The following MSL2 variants were observed in gnomAD, a reference collection of about 807,000 sequenced individuals.
MSL2 encodes E3 ubiquitin-protein ligase MSL2.
Under a neutral mutation model 35.8 loss-of-function variants are expected in MSL2, and 2 were observed. The ratio of observed to expected loss-of-function variants is 0.06; its 90% CI spans 0.02 to 0.18. The LOEUF (loss-of-function observed/expected upper bound fraction) is 0.18, where lower values mean the gene tolerates loss of function less well. Ranked by LOEUF, MSL2 falls within the 10% of genes least tolerant of loss-of-function variation. The probability of loss-of-function intolerance (pLI) is 1.00; values close to 1 mark genes in which losing one functional copy is unlikely to be tolerated. For missense variants in MSL2, 523 were observed against 706.7 expected (o/e 0.74, Z 2.95); for synonymous variants, 296 against 255.7 (o/e 1.16, Z -1.50).
At chr3:136,171,776 G>A (rs970024450) in intron 1 of MSL2, among the ~76,000 whole-genome samples, 1 of 152,146 alleles carries the variant, frequency 6.6e-6, no homozygotes, top group African/African-American at 2.4e-5. Context: ...GTATGGCCAG[G>A]TCTATAAAGG....
intron 1 of MSL2, among the ~76,000 whole-genome samples, chr3:136,167,878 A>G (rs1939896077): frequency 6.6e-6 from 1 of 152,204 alleles, no homozygotes; most frequent in Non-Finnish European, 1.5e-5. Context: ...AAATAACAGT[A>G]CAGAATCAAA....
intron 1 of MSL2, among the ~76,000 whole-genome samples, chr3:136,176,482 T>C (rs1940181575): frequency 7.8e-6 from 1 of 128,440 alleles, no homozygotes; most frequent in African/African-American, 3.1e-5. Context: ...GTCACTGCAC[T>C]CCAGCCTGGG....
At chr3:136,180,745 G>A (rs1940316754) in intron 1 of MSL2, among the ~76,000 whole-genome samples, 1 of 92,936 alleles carries the variant, frequency 1.1e-5, no homozygotes, top group Admixed American at 1.1e-4. Context: ...GAGGAGGAGA[G>A]GAGGGAAGGA....
rs752273103 is a variant in MSL2 at position 136,151,271 on chromosome 3, C to T, written c.1610G>A (p.Arg537His). 11 of 1,614,104 alleles carry T rather than the reference C, an allele frequency of 6.8e-6. No individual in the cohort carries two copies. The highest frequency in any genetic ancestry group is 2.2e-5 in the South Asian group (2 of 91,092). Residue 537 changes from arginine to histidine, a missense_variant, in exon 2 of 2, where the codon CGT (arginine) becomes CAT (histidine). By Grantham distance (29) the Arg-to-His change is conservative (BLOSUM62 0). Coordinates refer to ENST00000309993, the MANE Select transcript of MSL2 (RefSeq NM_018133.4). The surrounding 1 kb of genome is among the most constrained non-coding windows in gnomAD (Gnocchi z 5.2). ...LGINVTSIAV[R>H]NASTSTSVIN... ...TACACTGGTGCTGGTACTAGCGTTACGCACAGCAATGCTAGTCACGTTAAT... is the reference window on the plus strand; with the variant it reads ...TACACTGGTGCTGGTACTAGCGTTATGCACAGCAATGCTAGTCACGTTAAT...
rs397764663 is a variant in MSL2 at position 136,164,881 on chromosome 3, CTTT to C, written c.143-12146_143-12144del. Reference sequence around the variant, plus strand: ...CTCACTCAAAATACACACCTTCAGACTTTTTTTTTTTGAGTCGAAGTCTCGCTC... The same window carrying C: ...CTCACTCAAAATACACACCTTCAGACTTTTTTTTGAGTCGAAGTCTCGCTC... On this transcript the variant is annotated intron_variant, in intron 1 of 1. Transcript: ENST00000309993. 1.0e-4 allele frequency among the ~76,000 whole-genome samples: 15 copies of C among 147,538 alleles called. No homozygotes were observed. The South Asian group carries it at 3.0e-3, about 30-fold the overall frequency.
intron 1 of MSL2, among the ~76,000 whole-genome samples, chr3:136,171,217 C>G (rs1197733382): frequency 2.6e-5 from 4 of 152,080 alleles, no homozygotes. Flanking sequence ...AAGTCAGATT[C>G]CTAGGCATGC....
intron 1 of MSL2, among the ~76,000 whole-genome samples, chr3:136,177,337 C>A (rs750348525): frequency 2.6e-5 from 4 of 151,974 alleles, no homozygotes; most frequent in Admixed American, 6.6e-5. Context: ...TAATTAAAAA[C>A]AAGAAAGAAT....
chr3:136,185,414 T>C (rs771566837), intron 1 of MSL2, among the ~76,000 whole-genome samples: 10 of 151,696 alleles, frequency 6.6e-5, no homozygotes, highest in Non-Finnish European at 1.3e-4. Context: ...TCATAGAAGA[T>C]AACTTCATCT....
intron 1 of MSL2, among the ~76,000 whole-genome samples, chr3:136,163,884 CTT>C (rs755095515): frequency 9.5e-4 from 144 of 152,316 alleles, no homozygotes; most frequent in African/African-American, 3.4e-3. Context: ...TGCTTCCCCT[CTT>C]TGTCTTCCAC....
chr3:136,194,450 A>C (rs1940777811), intron 1 of MSL2: 1 of 985,422 alleles, frequency 1.0e-6, no homozygotes, highest in African/African-American at 1.7e-5. Context: ...GTTAACCGTC[A>C]AACCGTCAAA....
intron 1 of MSL2, among the ~76,000 whole-genome samples, chr3:136,190,927 G>A (rs939440655): frequency 2.6e-5 from 4 of 152,154 alleles, no homozygotes; most frequent in African/African-American, 9.7e-5. Context: ...TTCACTAGAA[G>A]CTTCAGAAGG....
intron 1 of MSL2, among the ~76,000 whole-genome samples, chr3:136,159,354 CTTTTT>C (rs71157361): frequency 5.7e-5 from 4 of 70,050 alleles, no homozygotes; most frequent in African/African-American, 1.7e-4. Context: ...AGAGTACTTT[CTTTTT>C]TTTTTTTTTT....
At chr3:136,188,907 G>A (rs894861560) in intron 1 of MSL2, among the ~76,000 whole-genome samples, 4 of 151,328 alleles carry the variant, frequency 2.6e-5, no homozygotes, top group Admixed American at 6.6e-5. Context: ...ATAAGATGAA[G>A]GGCTGCAAAT....
chr3:136,195,123 T>G lies in MSL2; in HGVS notation c.-10A>C. On this transcript the variant is annotated 5_prime_UTR_variant, in exon 1 of 2. Coordinates refer to ENST00000309993, the MANE Select transcript of MSL2 (RefSeq NM_018133.4). Reference sequence around the variant, plus strand: ...CATTCACGGGGTTCATTGCAGACACTTCGACACCAATGGCTCCCGGTTGAA... The same window carrying G: ...CATTCACGGGGTTCATTGCAGACACGTCGACACCAATGGCTCCCGGTTGAA... 1 of 1,586,754 alleles carries G rather than the reference T, an allele frequency of 6.3e-7. No individual in the cohort carries two copies. Among genetic ancestry groups the G allele is most frequent in the Non-Finnish European group, 8.6e-7 (1 of 1,166,936 alleles).
rs1939604515 is a variant in MSL2 at position 136,158,648 on chromosome 3, C to G, written c.143-5910G>C. The stretch of plus-strand genomic sequence containing the variant: ...AAAAGGAAAAGAAAAAAAAAGGCAT[C>G]AAGACTAAAAAGAAACAAGTAAAAT... On this transcript the variant is annotated intron_variant, in intron 1 of 1. Transcript: ENST00000309993. Among the ~76,000 whole-genome samples the G allele has an allele frequency of 2.0e-5, 3 of 152,114 alleles. No individual in the cohort carries two copies. In the South Asian group the frequency reaches 6.2e-4, roughly 32 times the overall value.
At position 136,195,059 on chromosome 3, in the gene MSL2, T is replaced by G. The variant is rs1940797280; in HGVS notation, c.55A>C (p.Asn19His). 1 of 1,614,050 alleles carries G rather than the reference T, an allele frequency of 6.2e-7. No individual in the cohort carries two copies. Among genetic ancestry groups the G allele is most frequent in the Non-Finnish European group, 8.5e-7 (1 of 1,180,012 alleles). The stretch of plus-strand genomic sequence containing the variant: ...GCCTTGGGGTCTCCGGGGTCGTAGT[T>G]GAGCACTAGGCGGCTCGCGGAAATG... ...LYISASRLVL[N>H]YDPGDPKAFT... Residue 19 changes from asparagine to histidine, a missense_variant, in exon 1 of 2, where the codon AAC (asparagine) becomes CAC (histidine). Physicochemically the swap from Asn to His is moderately conservative, Grantham distance 68. This residue lies in a region of MSL2 where 45 missense variants were observed against 47.5 expected (regional missense o/e 0.95). Transcript: ENST00000309993.
chr3:136,180,517 T>C (rs1940310174), intron 1 of MSL2, among the ~76,000 whole-genome samples: 2 of 150,912 alleles, frequency 1.3e-5, no homozygotes, highest in African/African-American at 4.9e-5. Context: ...CTGGCCAAAA[T>C]GGTGAAATCC....
At chr3:136,184,163 G>C (rs1166725236) in intron 1 of MSL2, among the ~76,000 whole-genome samples, 1 of 152,092 alleles carries the variant, frequency 6.6e-6, no homozygotes, top group Non-Finnish European at 1.5e-5. Flanking sequence ...GGCGTTGACG[G>C]TGGGCGCCTG....
chr3:136,194,201 GC>G (rs1940768665), intron 1 of MSL2, among the ~76,000 whole-genome samples: 1 of 152,066 alleles, frequency 6.6e-6, no homozygotes, highest in Non-Finnish European at 1.5e-5. Context: ...TATTACACAC[GC>G]ACAGTTAACA....
Sources: allele counts gnomAD v4.1 joint callset (sites outside exome capture counted in the v4.1 genomes callset), GRCh38; gene constraint gnomAD v4.1.1; regional missense constraint gnomAD v4.1.1; non-coding constraint Gnocchi (gnomAD v3.1); transcripts MANE v1.5; gene names NCBI Gene and HGNC (gene_info 2026-07-23, HGNC 2026-07-21).